GREB1: variants seen among roughly 807,000 people sequenced by gnomAD.
The protein encoded by GREB1 is growth regulating estrogen receptor binding 1, also known as protein GREB1.
A neutral mutation model predicts 200.7 loss-of-function variants in GREB1; 106 were observed. The observed-to-expected ratio is 0.53, with a 90% CI of 0.45 to 0.62. The LOEUF is 0.62. Among genes scored for constraint, GREB1 ranks in the 20% least tolerant of loss-of-function variants. The pLI is 0.00. For synonymous variants in GREB1, 1,132 were observed against 1,092.4 expected (o/e 1.04, Z -0.72); for missense variants, 2,243 against 2,556.8 (o/e 0.88, Z 2.65).
At chr2:11,569,546 T>C (rs1183622953) in intron 4 of GREB1, among the ~76,000 whole-genome samples, 1 of 152,190 alleles carries the variant, frequency 6.6e-6, no homozygotes, top group South Asian at 2.1e-4. Flanking sequence ...ATTCTGCCAA[T>C]TGGAGAATAA....
chr2:11,628,540 T>C (rs1684637750), intron 25 of GREB1, among the ~76,000 whole-genome samples: 2 of 152,232 alleles, frequency 1.3e-5, no homozygotes, highest in Non-Finnish European at 2.9e-5. Context: ...AAAGAACATA[T>C]GAGCAATTTT....
rs1685007239 is a variant in GREB1 at position 11,632,949 on chromosome 2, G to A, written c.4877G>A (p.Arg1626Gln). The change falls in exon 28 of 33, where the codon CGG becomes CAG. Residue 1626 changes from arginine to glutamine, a missense_variant. Physicochemically the swap from Arg to Gln is conservative, Grantham distance 43. Transcript: ENST00000381486. ...CATAACCTGGAGCTCGAGCGGAACC[G>A]GCAGGAGGAGCTGGGAATCAAGCCG... ...SYHNLELERN[R>Q]QEELGIKPQD... 2 of 1,614,104 alleles carry A rather than the reference G, an allele frequency of 1.2e-6. No homozygotes were observed. Among genetic ancestry groups the A allele is most frequent in the Non-Finnish European group, 8.5e-7 (1 of 1,180,016 alleles).
At position 11,618,869 on chromosome 2, in the gene GREB1, C is replaced by A. The variant is rs377652092; in HGVS notation, c.3994C>A (p.Arg1332Ser). The A allele has an allele frequency of 2.5e-6, 4 of 1,576,828 alleles. No homozygotes were observed. The South Asian group carries it at 4.6e-5, about 18-fold the overall frequency. ...GGACTACGGCAACCGGGCCGAGGGC[C>A]GCGTGGACGGCTTCCACCCCCGCAG... ...HMDYGNRAEGRVDGFHPRRLL... is the reference protein window; with the variant it reads ...HMDYGNRAEGSVDGFHPRRLL... The change falls in exon 22 of 33, where the codon CGC becomes AGC. Residue 1332 changes from arginine (R) to serine (S), a missense_variant. By Grantham distance (110) the Arg-to-Ser change is moderately radical (BLOSUM62 -1). This residue lies in a region of GREB1 where 587 missense variants were observed against 553.1 expected (regional missense o/e 1.06). Coordinates refer to ENST00000381486, the MANE Select transcript of GREB1 (RefSeq NM_014668.4).
intron 1 of GREB1, among the ~76,000 whole-genome samples, chr2:11,538,736 T>A (rs1360832863): frequency 8.4e-6 from 1 of 119,636 alleles, no homozygotes; most frequent in Non-Finnish European, 1.7e-5. Context: ...CTCTCTCACT[T>A]TCCCTTCCTT....
chr2:11,611,770 G>T (rs865834187), intron 18 of GREB1, among the ~76,000 whole-genome samples: 2 of 152,188 alleles, frequency 1.3e-5, no homozygotes, highest in African/African-American at 4.8e-5. Flanking sequence ...CTAGCACAGC[G>T]CCTGGCCCAT....
intron 3 of GREB1, among the ~76,000 whole-genome samples, chr2:11,564,142 A>G (rs1677378807): frequency 6.6e-6 from 1 of 152,140 alleles, no homozygotes; most frequent in African/African-American, 2.4e-5. Flanking sequence ...CTAGCAGATT[A>G]TTTACGTAGG....
At chr2:11,601,672 G>T (rs893485871) in intron 16 of GREB1, among the ~76,000 whole-genome samples, 1 of 152,204 alleles carries the variant, frequency 6.6e-6, no homozygotes, top group Non-Finnish European at 1.5e-5. Flanking sequence ...TCCATGGTGG[G>T]GATAGCCATT....
chr2:11,612,559 C>T lies in GREB1; in HGVS notation c.3071C>T (p.Pro1024Leu). 6.2e-7 allele frequency: 1 copy of T among 1,612,966 alleles called. No homozygotes were observed. The highest frequency in any genetic ancestry group is 2.2e-5 in the East Asian group (1 of 44,874). ...PQTYLELEGLPCILIFSGMDP... is the reference protein window; with the variant it reads ...PQTYLELEGLLCILIFSGMDP... ...ACTTACTTGGAGCTGGAGGGTCTGC[C>T]TTGCATCCTGATCTTCAGTGGGATG... The change falls in exon 19 of 33, where the codon CCT becomes CTT. Residue 1024 changes from proline to leucine, a missense_variant. Pro to Leu is a moderately conservative substitution (Grantham distance 98). Around this residue, in one of 3 missense-constraint regions of GREB1, gnomAD observed 1,178 missense variants for 1,387.4 expected, o/e 0.85. Transcript: ENST00000381486.
At position 11,584,956 on chromosome 2, in the gene GREB1, A is replaced by G. The variant is rs1428566843; in HGVS notation, c.902-205A>G. The G allele has an allele frequency of 9.3e-6, 4 of 428,484 alleles. No homozygotes were observed. The East Asian group carries it at 1.6e-4, about 17-fold the overall frequency. 26.5% of individuals were successfully genotyped at this position (428,484 alleles called of 1,614,324 possible). A position where few individuals can be genotyped will look rare whatever the true frequency, so the allele number is the denominator to read the frequency against. ...CACCAGGTTGCCTAAGGAGGGGTGAACCGGTCCAGGTCGGAATGAAACATT... is the reference window on the plus strand; with the variant it reads ...CACCAGGTTGCCTAAGGAGGGGTGAGCCGGTCCAGGTCGGAATGAAACATT... On this transcript the variant is annotated intron_variant, in intron 7 of 32. Coordinates refer to ENST00000381486, the MANE Select transcript of GREB1 (RefSeq NM_014668.4).
At chr2:11,603,728 A>G (rs1428594820) in intron 17 of GREB1, among the ~76,000 whole-genome samples, 1 of 152,246 alleles carries the variant, frequency 6.6e-6, no homozygotes, top group African/African-American at 2.4e-5. Context: ...GTAGCCCTCC[A>G]AGATTTCACA....
intron 32 of GREB1, among the ~76,000 whole-genome samples, chr2:11,639,227 T>C (rs1366108154): frequency 6.6e-6 from 1 of 152,140 alleles, no homozygotes; most frequent in Non-Finnish European, 1.5e-5. Flanking sequence ...GTATCTGGGA[T>C]TACAGGTGCC....
At chr2:11,598,024 C>T in intron 14 of GREB1, 46 bp downstream of exon 14, 1 of 1,391,886 alleles carries the variant, frequency 7.2e-7, no homozygotes, top group South Asian at 1.2e-5. Flanking sequence ...AAGCTTTGAT[C>T]TGCCGAAATC....
At position 11,587,352 on chromosome 2, in the gene GREB1, A is replaced by G; in HGVS notation, c.1160-1394A>G. 8 of 1,528,536 alleles carry G rather than the reference A, an allele frequency of 5.2e-6. No homozygotes were observed. Among genetic ancestry groups the G allele is most frequent in the Non-Finnish European group, 7.2e-6 (8 of 1,103,770 alleles). 94.7% of individuals were successfully genotyped at this position (1,528,536 alleles called of 1,614,324 possible). ...ATGTCACATACTTGCCTTTATAGCA[A>G]CTCTTTACCTTGCCTCTTGCCCACT... On this transcript the variant is annotated intron_variant, in intron 9 of 32. Transcript: ENST00000381486.
At chr2:11,517,282 G>C (rs1011257281) in intron 1 of GREB1, 4 of 152,712 alleles carry the variant, frequency 2.6e-5, no homozygotes, top group African/African-American at 9.7e-5. Context: ...TGCTGATCCT[G>C]CCTTGTGCCA....
chr2:11,627,371 C>G (rs956593848), intron 25 of GREB1, among the ~76,000 whole-genome samples: 1 of 152,188 alleles, frequency 6.6e-6, no homozygotes, highest in Non-Finnish European at 1.5e-5. Context: ...CCAATGCTTT[C>G]AGAAGTTAGT....
rs74761202 is a variant in GREB1, at chr2:11,551,688, T to C, written c.-161-4766T>C. Among the ~76,000 whole-genome samples the C allele has an allele frequency of 3.8e-3, 586 of 152,322 alleles. 6 individuals carry two copies. Among genetic ancestry groups the C allele is most frequent in the African/African-American group, 0.013 (556 of 41,564 alleles). On this transcript the variant is annotated intron_variant, in intron 1 of 32. Coordinates refer to ENST00000381486, the MANE Select transcript of GREB1 (RefSeq NM_014668.4). ...CTCAAATGCTGTTCTTAGTTTTTTT[T>C]CCAAAGACATCCTACTCAGTGGTCT...
At chr2:11,638,921 G>A in intron 32 of GREB1, 112 bp downstream of exon 32, 1 of 1,105,374 alleles carries the variant, frequency 9.0e-7, no homozygotes, top group Non-Finnish European at 1.3e-6. Context: ...GTAAACTGAG[G>A]ATCAGAGAGG....
chr2:11,492,152 G>GT lies in GREB1; in HGVS notation c.-159+9772dup, dbSNP rs1672786987. ...TGCATCGTTTCCATGGTCATTTAAC[G>GT]TGGCACTTTACTCTGGGATTGTTCA... is the stretch of plus-strand genomic sequence containing the variant. On this transcript the variant is annotated intron_variant, in intron 1 of 2. Coordinates refer to the GREB1 transcript ENST00000628795. This position sits in a 1 kb window ranked among gnomAD's most constrained non-coding sequence, Gnocchi z 4.0. Among the ~76,000 whole-genome samples the GT allele has an allele frequency of 6.6e-6, 1 of 152,074 alleles. No homozygotes were observed. The highest frequency in any genetic ancestry group is 2.4e-5 in the African/African-American group (1 of 41,420).
At chr2:11,541,913 C>T (rs1047860596) in intron 1 of GREB1, among the ~76,000 whole-genome samples, 12 of 152,182 alleles carry the variant, frequency 7.9e-5, no homozygotes, top group African/African-American at 2.9e-4. Flanking sequence ...AAAGCCCCTT[C>T]TTTTCAGACA....
Sources: allele counts gnomAD v4.1 joint callset (sites outside exome capture counted in the v4.1 genomes callset), GRCh38; gene constraint gnomAD v4.1.1; regional missense constraint gnomAD v4.1.1; non-coding constraint Gnocchi (gnomAD v3.1); transcripts MANE v1.5; gene names NCBI Gene and HGNC (gene_info 2026-07-23, HGNC 2026-07-21).